GRM5: variants seen among roughly 807,000 people sequenced by gnomAD.
GRM5 encodes metabotropic glutamate receptor 5.
Under a neutral mutation model 83.1 loss-of-function variants are expected in GRM5, and 19 were observed. The ratio of observed to expected loss-of-function variants is 0.23; its 90% CI spans 0.16 to 0.34. The LOEUF (loss-of-function observed/expected upper bound fraction) is 0.34, where lower values mean the gene tolerates loss of function less well. GRM5 is among the 10% of genes least tolerant of loss of function. The pLI, the probability that GRM5 is intolerant of heterozygous loss-of-function variation, is 1.00. For missense variants in GRM5, 1,160 were observed against 1,588.3 expected, an observed-to-expected ratio of 0.73 and a Z score of 4.58; for synonymous variants, 675 against 633.6, an observed-to-expected ratio of 1.07 and a Z score of -0.98.
At chr11:88,988,248 GA>G (rs1939809409) in intron 2 of GRM5, among the ~76,000 whole-genome samples, 1 of 152,166 alleles carries the variant, frequency 6.6e-6, no homozygotes, top group Admixed American at 6.5e-5. Flanking sequence ...TCAACTGGAA[GA>G]AAGGGTACCA....
At chr11:89,056,248 C>T (rs1299931928) in intron 1 of GRM5, among the ~76,000 whole-genome samples, 1 of 152,130 alleles carries the variant, frequency 6.6e-6, no homozygotes, top group Non-Finnish European at 1.5e-5. Context: ...ATATCAACTT[C>T]ACTCCAAGAT....
At chr11:88,719,283 G>T (rs1264500741) in intron 3 of GRM5, among the ~76,000 whole-genome samples, 2 of 151,784 alleles carry the variant, frequency 1.3e-5, no homozygotes, top group Non-Finnish European at 2.9e-5. Context: ...TATTCTCATC[G>T]TTTAGCTCCC....
Position 88,567,212 on chromosome 11 carries a change from A to C in GRM5, c.2471T>G (p.Ile824Ser). Residue 824 changes from isoleucine (I) to serine (S), a missense_variant, in exon 8 of 10, where the codon ATC becomes AGC. Transcript: ENST00000305447. The surrounding 1 kb of genome is among the most constrained non-coding windows in gnomAD (Gnocchi z 7.3). Reference protein sequence around the residue: ...LGCMFVPKVYIILAKPERNVR... With the variant: ...LGCMFVPKVYSILAKPERNVR... ...GTTTCTCTCTGGTTTGGCCAGGATG[A>C]TGTACACCTTCGGCACAAACATGCA... 1 of 1,614,106 alleles carries C rather than the reference A, an allele frequency of 6.2e-7. No individual in the cohort carries two copies. The highest frequency in any genetic ancestry group is 8.5e-7 in the Non-Finnish European group (1 of 1,179,996).
At chr11:88,698,095 C>T (rs1940943378) in intron 3 of GRM5, among the ~76,000 whole-genome samples, 1 of 152,174 alleles carries the variant, frequency 6.6e-6, no homozygotes, top group Non-Finnish European at 1.5e-5. Context: ...TCGTCCTCTG[C>T]CAATCCATTC....
chr11:88,954,963 A>G (rs1195920469), intron 2 of GRM5, among the ~76,000 whole-genome samples: 2 of 152,250 alleles, frequency 1.3e-5, no homozygotes, highest in African/African-American at 4.8e-5. Context: ...TCTTTCCAAA[A>G]TAATAAAATA....
At chr11:88,636,584 T>C (rs989868155) in intron 4 of GRM5, among the ~76,000 whole-genome samples, 16 of 152,208 alleles carry the variant, frequency 1.1e-4, no homozygotes, top group Admixed American at 9.2e-4. Flanking sequence ...AAAATTATTA[T>C]AATAGGTTTT....
Position 88,590,632 on chromosome 11 carries a change from T to C in GRM5, c.1659A>G (p.Gln553=), listed in dbSNP as rs201921142. The change falls in exon 7 of 10, where the codon CAA becomes CAG. Residue 553 remains glutamine, a synonymous_variant. Transcript: ENST00000305447. ...GATCATCAGTGGGCCAAGACCCCAGTTGGCATGCCTTGCATGTGTACTCAT... is the reference window on the plus strand; with the variant it reads ...GATCATCAGTGGGCCAAGACCCCAGCTGGCATGCCTTGCATGTGTACTCAT... ...VFDEYTCKAC[Q]LGSWPTDDLT... is the part of the protein sequence containing the mutation. 5.3e-5 allele frequency: 85 copies of C among 1,610,488 alleles called. No individual in the cohort carries two copies. Among genetic ancestry groups the C allele is most frequent in the African/African-American group, 9.4e-5 (7 of 74,844 alleles).
chr11:89,009,310 A>G (rs1275831653), intron 2 of GRM5, among the ~76,000 whole-genome samples: 2 of 152,194 alleles, frequency 1.3e-5, no homozygotes, highest in Admixed American at 1.3e-4. Flanking sequence ...AACCTTTTCA[A>G]GTTTAATGAG....
At chr11:88,775,879 A>ATAAG (rs1351517768) in intron 3 of GRM5, among the ~76,000 whole-genome samples, 21 of 147,180 alleles carry the variant, frequency 1.4e-4, no homozygotes, top group Non-Finnish European at 2.6e-4. Context: ...CAATCTTAGA[A>ATAAG]TAAGTGCAAT....
At chr11:88,767,510 T>C (rs1212417361) in intron 3 of GRM5, among the ~76,000 whole-genome samples, 1 of 152,014 alleles carries the variant, frequency 6.6e-6, no homozygotes, top group Non-Finnish European at 1.5e-5. Context: ...AAGAATAAGA[T>C]AATGTCCTTT....
At chr11:88,811,521 T>A (rs748579294) in intron 3 of GRM5, among the ~76,000 whole-genome samples, 3 of 152,092 alleles carry the variant, frequency 2.0e-5, no homozygotes, top group Non-Finnish European at 4.4e-5. Context: ...CAGGTCTCTC[T>A]TAGAAGTAGA....
chr11:88,599,890 G>A (rs955736393), intron 5 of GRM5, among the ~76,000 whole-genome samples: 4 of 152,124 alleles, frequency 2.6e-5, no homozygotes, highest in African/African-American at 7.2e-5. Context: ...GCAGGCGCCT[G>A]TAGTCCCAGC....
chr11:88,891,612 C>A (rs113399067), intron 2 of GRM5, among the ~76,000 whole-genome samples: 14 of 8,654 alleles, frequency 1.6e-3, no homozygotes, highest in Admixed American at 2.8e-3. Flanking sequence ...TCTAATGTCT[C>A]ATAATTAATT....
At chr11:88,994,448 TATATATATATATATATATATA>T (rs1940103095) in intron 2 of GRM5, among the ~76,000 whole-genome samples, 4 of 17,172 alleles carry the variant, frequency 2.3e-4, no homozygotes, top group African/African-American at 9.0e-4. Flanking sequence ...TAACTGATTA[TATATATATATATATATATATA>T]TATATATATA....
At chr11:88,612,090 T>C (rs1938334134) in intron 4 of GRM5, among the ~76,000 whole-genome samples, 1 of 149,814 alleles carries the variant, frequency 6.7e-6, no homozygotes, top group African/African-American at 2.5e-5. Context: ...TAGCATTAGG[T>C]ATATCTCCCG....
rs1410098208 is a variant in GRM5 at position 88,778,032 on chromosome 11, C to A, written c.911+71874G>T. Among the ~76,000 whole-genome samples, 2 of 152,154 alleles carry A rather than the reference C, an allele frequency of 1.3e-5. 1 individual carries two copies. The highest frequency in any genetic ancestry group is 4.1e-4 in the South Asian group (2 of 4,832). ...TTAAGTCTGCAGAAATTGTCTGCTG[C>A]CTTTTGTTCAGCTATGCCCTGCCCA... On this transcript the variant is annotated intron_variant, in intron 3 of 9. Transcript: ENST00000305447.
intron 2 of GRM5, among the ~76,000 whole-genome samples, chr11:89,046,408 G>T (rs1941643781): frequency 6.6e-6 from 1 of 151,610 alleles, no homozygotes; most frequent in South Asian, 2.1e-4. Context: ...TGCATAACAA[G>T]CGAGTCTGCC....
chr11:88,680,283 G>A (rs1940446162), intron 3 of GRM5, among the ~76,000 whole-genome samples: 1 of 151,502 alleles, frequency 6.6e-6, no homozygotes, highest in South Asian at 2.1e-4. Context: ...CCCTTCCTGT[G>A]TCCAAGTGTT....
At chr11:88,982,851 G>A (rs969010935) in intron 2 of GRM5, among the ~76,000 whole-genome samples, 2 of 152,224 alleles carry the variant, frequency 1.3e-5, no homozygotes, top group East Asian at 1.9e-4. Flanking sequence ...TGGATCTCCT[G>A]AGGTCAGAAG....
Sources: gnomAD v4.1 joint callset for allele counts (sites outside exome capture counted in the v4.1 genomes callset) on GRCh38, gnomAD v4.1.1 for gene constraint, Gnocchi (gnomAD v3.1) non-coding constraint, MANE v1.5 for transcripts, NCBI Gene and HGNC (gene_info 2026-07-23, HGNC 2026-07-21) for gene names.